CERS6: variants seen among roughly 807,000 people sequenced by gnomAD.
CERS6 encodes the protein LAG1 homolog, ceramide synthase 6.
In CERS6, 26 loss-of-function variants were observed where a neutral mutation model predicts 56.8. That is an observed-to-expected ratio of 0.46 (90% CI 0.34 to 0.63). The LOEUF (loss-of-function observed/expected upper bound fraction) is 0.63. Ranked by LOEUF, CERS6 falls within the 30% of genes least tolerant of loss-of-function variation. The probability of loss-of-function intolerance (pLI) is 0.01; values close to 1 mark genes in which losing one functional copy is unlikely to be tolerated. For missense variants in CERS6, 415 were observed against 467.5 expected (o/e 0.89, Z 1.04); for synonymous variants, 164 against 173.3 (o/e 0.95, Z 0.42).
chr2:168,553,099 A>G (rs1695607376), intron 2 of CERS6, among the ~76,000 whole-genome samples: 1 of 152,166 alleles, frequency 6.6e-6, no homozygotes, highest in Non-Finnish European at 1.5e-5. Context: ...CATCACAGAA[A>G]AAAAGACAAA....
In CERS6 at chr2:168,697,167, GACTTGTATGGCTACAGGGCCCTTA is replaced by G. The variant is rs1363516692; in HGVS notation, c.609+2118_609+2141del. On this transcript the variant is annotated intron_variant, in intron 6 of 9. Coordinates refer to ENST00000305747, the MANE Select transcript of CERS6 (RefSeq NM_203463.3). ...TGGCTGGCAAAAAGCTATCTTTTCT[GACTTGTATGGCTACAGGGCCCTTA>G]ATATGGTATATATCAGCTGATTCTC... Among the ~76,000 whole-genome samples the G allele has an allele frequency of 2.6e-5, 4 of 152,262 alleles. No individual in the cohort carries two copies. In the South Asian group the frequency reaches 8.3e-4, roughly 32 times the overall value.
At chr2:168,587,727 A>G (rs1467881041) in intron 3 of CERS6, among the ~76,000 whole-genome samples, 1 of 151,660 alleles carries the variant, frequency 6.6e-6, no homozygotes, top group Non-Finnish European at 1.5e-5. Flanking sequence ...AATACAATTA[A>G]CATATTAATA....
chr2:168,731,214 A>G (rs1380107645), intron 8 of CERS6, among the ~76,000 whole-genome samples: 1 of 152,170 alleles, frequency 6.6e-6, no homozygotes, highest in African/African-American at 2.4e-5. Context: ...GTTTCCCAAA[A>G]TAACATCCAG....
chr2:168,585,654 T>A (rs1559009097), intron 3 of CERS6, among the ~76,000 whole-genome samples: 1 of 152,204 alleles, frequency 6.6e-6, no homozygotes, highest in Non-Finnish European at 1.5e-5. Context: ...TTTCTAATTG[T>A]TATGATTACA....
At chr2:168,726,304 T>G (rs1031975054) in intron 8 of CERS6, among the ~76,000 whole-genome samples, 3 of 152,222 alleles carry the variant, frequency 2.0e-5, no homozygotes, top group Non-Finnish European at 4.4e-5. Context: ...AGGTGCTTAC[T>G]ATGTTCCATT....
chr2:168,472,854 C>G, intron 1 of CERS6, among the ~76,000 whole-genome samples: 1 of 152,060 alleles, frequency 6.6e-6, no homozygotes, highest in South Asian at 2.1e-4. Flanking sequence ...CTCAATTTGT[C>G]ATTTGAGACA....
intron 3 of CERS6, among the ~76,000 whole-genome samples, chr2:168,568,510 T>C (rs931785658): frequency 6.6e-6 from 1 of 152,226 alleles, no homozygotes; most frequent in African/African-American, 2.4e-5. Flanking sequence ...TACAGAATTG[T>C]AGGGGGAAAG....
In CERS6 at chr2:168,632,016, A is replaced by G. The variant is rs146869703; in HGVS notation, c.465+974A>G. On this transcript the variant is annotated intron_variant, in intron 4 of 9. Transcript: ENST00000305747. The stretch of plus-strand genomic sequence containing the variant: ...CATTTCCCCTGCTGTTGCTTTTACT[A>G]TAATCCTGCATGAACTGAGGGACCG... Among the ~76,000 whole-genome samples, 36 of 151,016 alleles carry G rather than the reference A, an allele frequency of 2.4e-4. No individual in the cohort carries two copies. The East Asian group carries it at 6.4e-3, about 27-fold the overall frequency.
chr2:168,560,267 C>T (rs570353994), intron 2 of CERS6, among the ~76,000 whole-genome samples: 14 of 152,262 alleles, frequency 9.2e-5, no homozygotes, highest in South Asian at 2.1e-4. Context: ...GTACCTCCCC[C>T]GCTGGGTCCT....
chr2:168,603,953 C>T (rs1448515498), intron 3 of CERS6, among the ~76,000 whole-genome samples: 2 of 152,144 alleles, frequency 1.3e-5, no homozygotes, highest in Non-Finnish European at 2.9e-5. Context: ...ATCTTATTGA[C>T]CTAGAGCCTG....
intron 4 of CERS6, among the ~76,000 whole-genome samples, chr2:168,650,914 G>A (rs149798327): frequency 6.6e-6 from 1 of 152,058 alleles, no homozygotes; most frequent in Non-Finnish European, 1.5e-5. Context: ...CAATATAGAA[G>A]TAAAAAGTTT....
At chr2:168,732,829 A>C (rs1344542859) in intron 8 of CERS6, among the ~76,000 whole-genome samples, 3 of 152,216 alleles carry the variant, frequency 2.0e-5, no homozygotes, top group Non-Finnish European at 4.4e-5. Context: ...CTACATACAC[A>C]AGTAGGGTCA....
chr2:168,768,657 A>G (rs930429271), intron 9 of CERS6, among the ~76,000 whole-genome samples: 2 of 151,826 alleles, frequency 1.3e-5, no homozygotes, highest in Non-Finnish European at 2.9e-5. Context: ...TGTAATCCCA[A>G]CACTTCGGGA....
chr2:168,499,500 A>C (rs1256583293), intron 1 of CERS6, among the ~76,000 whole-genome samples: 1 of 152,188 alleles, frequency 6.6e-6, no homozygotes, highest in East Asian at 1.9e-4. Context: ...GTAGGGAGCC[A>C]GCTGTAAGAT....
chr2:168,569,531 G>A (rs781651884), intron 3 of CERS6, among the ~76,000 whole-genome samples: 47 of 152,240 alleles, frequency 3.1e-4, no homozygotes, highest in East Asian at 1.3e-3. Flanking sequence ...GTGTGTGTGC[G>A]CGTGCACACG....
chr2:168,519,720 C>CT (rs1427290185), intron 1 of CERS6, among the ~76,000 whole-genome samples: 1 of 152,154 alleles, frequency 6.6e-6, no homozygotes, highest in Non-Finnish European at 1.5e-5. Flanking sequence ...TGATTTCATT[C>CT]TTTTTTTATG....
At chr2:168,760,857 G>A (rs186515132) in intron 8 of CERS6, among the ~76,000 whole-genome samples, 36 of 152,120 alleles carry the variant, frequency 2.4e-4, no homozygotes, top group East Asian at 1.9e-4. Flanking sequence ...CCGGGTTCAC[G>A]CCATTCTCCT....
intron 8 of CERS6, among the ~76,000 whole-genome samples, chr2:168,725,735 C>T (rs559593765): frequency 6.0e-4 from 92 of 152,336 alleles, no homozygotes; most frequent in Non-Finnish European, 1.1e-3. Flanking sequence ...TATTATCAAA[C>T]GCAATCACTG....
chr2:168,510,941 A>T (rs915273997), intron 1 of CERS6, among the ~76,000 whole-genome samples: 3 of 152,244 alleles, frequency 2.0e-5, no homozygotes, highest in Non-Finnish European at 4.4e-5. Flanking sequence ...AGCAAAGTCC[A>T]CAGCTATACA....
Sources: gnomAD v4.1 joint callset for allele counts (sites outside exome capture counted in the v4.1 genomes callset) on GRCh38, gnomAD v4.1.1 for gene constraint, MANE v1.5 for transcripts, NCBI Gene and HGNC (gene_info 2026-07-23, HGNC 2026-07-21) for gene names.